INTS15: variants seen among roughly 807,000 people sequenced by gnomAD.
INTS15 encodes uncharacterized protein C7orf26.
At chr7:6,601,271 TTTA>T in the INTS15 span, among the ~76,000 whole-genome samples, 4 of 151,938 alleles carry the variant, frequency 2.6e-5, no homozygotes, top group Non-Finnish European at 5.9e-5. Flanking sequence ...CTTGTCCTTT[TTTA>T]TTGAGGCATA....
chr7:6,608,416 G>C, the INTS15 span: 2 of 1,371,958 alleles, frequency 1.5e-6, no homozygotes, highest in Non-Finnish European at 1.9e-6. Flanking sequence ...TGCCGATCCT[G>C]GGAGCCTCTG....
the INTS15 span, chr7:6,591,893 C>G: frequency 1.9e-6 from 3 of 1,600,290 alleles, no homozygotes; most frequent in Non-Finnish European, 2.6e-6. Context: ...GACCCTCGGC[C>G]GGGTGCGGTG....
At chr7:6,601,685 C>CGG in the INTS15 span, among the ~76,000 whole-genome samples, 1 of 149,790 alleles carries the variant, frequency 6.7e-6, no homozygotes, top group African/African-American at 2.5e-5. Context: ...GAGACAGGGT[C>CGG]TCACTCTGTT....
chr7:6,608,196 A>G, the INTS15 span: 28 of 1,534,644 alleles, frequency 1.8e-5, no homozygotes, highest in Non-Finnish European at 2.4e-5. Flanking sequence ...CTCTCGCTGG[A>G]CGAAGCCTTT....
At chr7:6,600,215 G>A in the INTS15 span, 1 of 1,614,086 alleles carries the variant, frequency 6.2e-7, no homozygotes, top group East Asian at 2.2e-5. Context: ...CGACCACATG[G>A]TCCCGCTGGT....
At chr7:6,591,637 C>A in the INTS15 span, 2 of 1,612,498 alleles carry the variant, frequency 1.2e-6, no homozygotes, top group Non-Finnish European at 1.7e-6. Context: ...TCCGGGATTT[C>A]TTTTGCAGAG....
the INTS15 span, among the ~76,000 whole-genome samples, chr7:6,596,353 C>T: frequency 2.0e-4 from 30 of 149,244 alleles, no homozygotes; most frequent in African/African-American, 6.7e-4. Flanking sequence ...TGCGCCCAGC[C>T]GAGCCTTCTT....
the INTS15 span, chr7:6,608,358 G>A: frequency 7.0e-7 from 1 of 1,423,090 alleles, no homozygotes; most frequent in Non-Finnish European, 9.2e-7. Flanking sequence ...ATGGTGGAGG[G>A]AAGAGTCCAG....
At chr7:6,606,514 G>A in the INTS15 span, among the ~76,000 whole-genome samples, 1 of 152,094 alleles carries the variant, frequency 6.6e-6, no homozygotes, top group Non-Finnish European at 1.5e-5. Context: ...CTTGGTGTTA[G>A]GAGAGACCAG....
the INTS15 span, among the ~76,000 whole-genome samples, chr7:6,597,144 G>A: frequency 1.3e-5 from 2 of 152,252 alleles, no homozygotes; most frequent in Admixed American, 6.5e-5. Context: ...CAGGTGTTGG[G>A]GAGCAGGGCC....
At chr7:6,599,759 C>A in the INTS15 span, 10 of 1,492,056 alleles carry the variant, frequency 6.7e-6, no homozygotes, top group African/African-American at 1.2e-4. Flanking sequence ...GGTCAGGCTT[C>A]CCTCTCTCCA....
the INTS15 span, among the ~76,000 whole-genome samples, chr7:6,603,039 C>A: frequency 6.6e-6 from 1 of 152,210 alleles, no homozygotes; most frequent in African/African-American, 2.4e-5. Flanking sequence ...CACCTGAGGT[C>A]AGGAGTTCGA....
the INTS15 span, chr7:6,608,516 CGT>C: frequency 8.7e-7 from 1 of 1,155,898 alleles, no homozygotes; most frequent in Non-Finnish European, 1.1e-6. Flanking sequence ...CCTCTTTCCT[CGT>C]GAAGACGATG....
chr7:6,594,809 C>T, the INTS15 span, among the ~76,000 whole-genome samples: 1 of 152,118 alleles, frequency 6.6e-6, no homozygotes, highest in Admixed American at 6.6e-5. Context: ...TAACCTCCCC[C>T]TCCCAGGTTC....
chr7:6,591,965 G>T, the INTS15 span: 5 of 1,062,448 alleles, frequency 4.7e-6, no homozygotes, highest in African/African-American at 7.9e-5. Context: ...TGAGGTCAGG[G>T]GTTCAAGACC....
chr7:6,605,063 G>C, the INTS15 span, among the ~76,000 whole-genome samples: 5 of 152,102 alleles, frequency 3.3e-5, no homozygotes, highest in Non-Finnish European at 5.9e-5. Flanking sequence ...TCTGATATCA[G>C]CTCACTGCAA....
chr7:6,606,032 C>G, the INTS15 span, among the ~76,000 whole-genome samples: 1 of 152,164 alleles, frequency 6.6e-6, no homozygotes, highest in Non-Finnish European at 1.5e-5. Flanking sequence ...TCTGTGTTCA[C>G]CGTGTTTCCA....
chr7:6,602,486 A>T, the INTS15 span, among the ~76,000 whole-genome samples: 2,224 of 152,270 alleles, frequency 0.015, 69 homozygotes, highest in African/African-American at 0.051. Context: ...ACAGCCCTAC[A>T]GCACTGTACG....
At chr7:6,590,211 C>T in the INTS15 span, 4 of 1,304,504 alleles carry the variant, frequency 3.1e-6, no homozygotes, top group Non-Finnish European at 4.0e-6. Flanking sequence ...TTTGTTTCCA[C>T]GGGTAGCGGC....
Sources: gnomAD v4.1 joint callset for allele counts (sites outside exome capture counted in the v4.1 genomes callset) on GRCh38, gnomAD v4.1.1 for gene constraint, MANE v1.5 for transcripts, NCBI Gene and HGNC (gene_info 2026-07-23, HGNC 2026-07-21) for gene names.